The following FAT3 variants were observed in gnomAD, a reference collection of about 807,000 sequenced individuals.
FAT3 encodes protocadherin Fat 3.
FAT3 carries 95 observed loss-of-function variants against 310.2 expected under a neutral mutation model. The observed-to-expected ratio is 0.31, with a 90% confidence interval of 0.26 to 0.36. The LOEUF is 0.36. FAT3 is among the 10% of genes least tolerant of loss of function. The pLI, the probability that FAT3 is intolerant of heterozygous loss-of-function variation, is 1.00. For missense variants in FAT3, 5,408 were observed against 5,715.6 expected (o/e 0.95, Z 1.74); for synonymous variants, 2,314 against 2,192.9 (o/e 1.06, Z -1.54).
At chr11:92,334,353 T>C (rs995708496) in intron 1 of FAT3, among the ~76,000 whole-genome samples, 1 of 152,144 alleles carries the variant, frequency 6.6e-6, no homozygotes, top group African/African-American at 2.4e-5. Context: ...CCAGCCTGGA[T>C]GAAAGACTGA....
rs1228953686 is a variant in FAT3, at chr11:92,530,595, A to T, written c.3607+5647A>T. Among the ~76,000 whole-genome samples, 4 of 152,052 alleles carry T rather than the reference A, an allele frequency of 2.6e-5. No homozygotes were observed. In the East Asian group the frequency reaches 7.7e-4, roughly 29 times the overall value. On this transcript the variant is annotated intron_variant, in intron 3 of 27. Transcript: ENST00000525166. ...TTCCTAAGACTTGTAGTTAATAAAA[A>T]ACCTGGGTCACGTAATGTTTGGATA...
intron 2 of FAT3, among the ~76,000 whole-genome samples, chr11:92,422,957 C>T (rs1380330358): frequency 6.6e-6 from 1 of 152,122 alleles, no homozygotes; most frequent in South Asian, 2.1e-4. Flanking sequence ...GTTATTCATT[C>T]TTCCCCCTTC....
intron 3 of FAT3, among the ~76,000 whole-genome samples, chr11:92,688,461 A>G (rs894566884): frequency 1.3e-5 from 2 of 152,196 alleles, no homozygotes; most frequent in African/African-American, 4.8e-5. Context: ...GAAGATAACA[A>G]CTAGATATAC....
Position 92,243,903 on chromosome 11 carries a change from A to G in FAT3, c.-18+18729A>G, listed in dbSNP as rs557537665. On this transcript the variant is annotated intron_variant, in intron 1 of 27. Transcript: ENST00000525166. ...TCAACTATGTTATTACTCTTTGCATATAACAATTGATAAAGATCAAAATTT... is the reference window on the plus strand; with the variant it reads ...TCAACTATGTTATTACTCTTTGCATGTAACAATTGATAAAGATCAAAATTT... Among the ~76,000 whole-genome samples, 10 of 152,240 alleles carry G rather than the reference A, an allele frequency of 6.6e-5. No individual in the cohort carries two copies. The South Asian group carries it at 2.1e-3, about 32-fold the overall frequency.
chr11:92,611,902 C>T (rs976212052), intron 3 of FAT3, among the ~76,000 whole-genome samples: 2 of 152,142 alleles, frequency 1.3e-5, no homozygotes, highest in Admixed American at 6.5e-5. Context: ...TTGTTTTCAC[C>T]GCATACCCCT....
chr11:92,462,206 C>T (rs1338309820), intron 2 of FAT3, among the ~76,000 whole-genome samples: 1 of 151,744 alleles, frequency 6.6e-6, no homozygotes, highest in African/African-American at 2.4e-5. Context: ...AGTACATGTG[C>T]AAGTTTGTCT....
At chr11:92,806,331 G>T (rs1200852008) in intron 11 of FAT3, 31 bp from the exon 12 acceptor site, 2 of 1,569,652 alleles carry the variant, frequency 1.3e-6, no homozygotes, top group African/African-American at 2.7e-5. Context: ...AAATACTAAT[G>T]ATTTTATTAC....
chr11:92,374,665 T>C (rs1949292820), intron 2 of FAT3, among the ~76,000 whole-genome samples: 1 of 152,224 alleles, frequency 6.6e-6, no homozygotes, highest in African/African-American at 2.4e-5. Context: ...TTTAAAACTA[T>C]TTAAGAGTGA....
chr11:92,441,646 A>T (rs1951065474), intron 2 of FAT3, among the ~76,000 whole-genome samples: 1 of 128,946 alleles, frequency 7.8e-6, no homozygotes. Flanking sequence ...AAAACTAAAA[A>T]CAAAACAAAA....
intron 3 of FAT3, among the ~76,000 whole-genome samples, chr11:92,677,007 G>A (rs189843686): frequency 1.3e-5 from 2 of 152,308 alleles, no homozygotes; most frequent in East Asian, 3.9e-4. Context: ...AGACACAGTT[G>A]TTGAAATGTC....
chr11:92,848,048 G>T (rs980924546), intron 19 of FAT3, among the ~76,000 whole-genome samples: 5 of 152,060 alleles, frequency 3.3e-5, no homozygotes, highest in African/African-American at 1.2e-4. Flanking sequence ...CCACCACTTG[G>T]TGGAATAATT....
intron 2 of FAT3, among the ~76,000 whole-genome samples, chr11:92,471,915 CTATATATATATA>C (rs140886151): frequency 0.05 from 6,207 of 124,784 alleles, 274 homozygotes; most frequent in East Asian, 0.16. Flanking sequence ...TTTTCATATG[CTATATATATATA>C]TATATATATA....
At chr11:92,803,303 C>T (rs1384264904) in intron 10 of FAT3, among the ~76,000 whole-genome samples, 1 of 152,166 alleles carries the variant, frequency 6.6e-6, no homozygotes, top group African/African-American at 2.4e-5. Flanking sequence ...GCTACTGTTA[C>T]TATTAGCAGT....
At chr11:92,293,456 C>T (rs981468181) in intron 1 of FAT3, among the ~76,000 whole-genome samples, 1 of 147,634 alleles carries the variant, frequency 6.8e-6, no homozygotes, top group Admixed American at 6.8e-5. Context: ...TAATCATACT[C>T]ATGATCACGT....
chr11:92,551,100 C>T (rs553813177), intron 3 of FAT3, among the ~76,000 whole-genome samples: 1 of 151,996 alleles, frequency 6.6e-6, no homozygotes, highest in Non-Finnish European at 1.5e-5. Context: ...TCTTCACAGC[C>T]CTGATCTGAT....
At chr11:92,407,073 C>G (rs896412097) in intron 2 of FAT3, among the ~76,000 whole-genome samples, 1 of 152,166 alleles carries the variant, frequency 6.6e-6, no homozygotes, top group Non-Finnish European at 1.5e-5. Flanking sequence ...CTCAATTGTT[C>G]TAGCTGCCAG....
chr11:92,315,473 G>A (rs1053205655), intron 1 of FAT3, among the ~76,000 whole-genome samples: 2 of 79,192 alleles, frequency 2.5e-5, no homozygotes, highest in African/African-American at 6.7e-5. Context: ...GTGTGTGTGT[G>A]TGTGTGTATA....
At position 92,790,151 on chromosome 11, in the gene FAT3, C is replaced by A; in HGVS notation, c.4544C>A (p.Thr1515Asn). 6.2e-7 allele frequency: 1 copy of A among 1,613,800 alleles called. No individual in the cohort carries two copies. Among genetic ancestry groups the A allele is most frequent in the Non-Finnish European group, 8.5e-7 (1 of 1,179,720 alleles). Residue 1515 changes from threonine to asparagine, a missense_variant, in exon 8 of 28, where the codon ACT becomes AAT. Physicochemically the swap from Thr to Asn is moderately conservative, Grantham distance 65. Around this residue, in one of 5 missense-constraint regions of FAT3, gnomAD observed 4,588 missense variants for 4,809.8 expected, o/e 0.95. Coordinates refer to ENST00000525166, the MANE Select transcript of FAT3 (RefSeq NM_001367949.2). ...SMRKFRIDPS[T>N]GVLYTAERLD... is the part of the protein sequence containing the mutation. ...AGAAAATTCCGGATTGACCCTAGCACTGGCGTGCTCTATACTGCCGAGAGG... is the reference window on the plus strand; with the variant it reads ...AGAAAATTCCGGATTGACCCTAGCAATGGCGTGCTCTATACTGCCGAGAGG...
chr11:92,395,158 T>C (rs1455834658), intron 2 of FAT3, among the ~76,000 whole-genome samples: 1 of 152,218 alleles, frequency 6.6e-6, no homozygotes, highest in Admixed American at 6.5e-5. Flanking sequence ...CTCCAATTTT[T>C]CCAGATATAT....
Sources: gnomAD v4.1 joint callset for allele counts (sites outside exome capture counted in the v4.1 genomes callset) on GRCh38, gnomAD v4.1.1 for gene constraint, gnomAD v4.1.1 regional missense constraint, MANE v1.5 for transcripts, NCBI Gene and HGNC (gene_info 2026-07-23, HGNC 2026-07-21) for gene names.